Variants in CPNE2 observed in about 807,000 individuals in gnomAD.
The protein encoded by CPNE2 is copine-2.
In CPNE2, 42 loss-of-function variants were observed where a neutral mutation model predicts 69.7. The observed-to-expected ratio is 0.60, with a 90% CI of 0.47 to 0.78. The LOEUF (loss-of-function observed/expected upper bound fraction) is 0.78. Among genes scored for constraint, CPNE2 ranks in the 30% least tolerant of loss-of-function variants. CPNE2 has a pLI of 0.00. For missense variants in CPNE2, 587 were observed against 732.0 expected, an observed-to-expected ratio of 0.80 and a Z score of 2.29; for synonymous variants, 294 against 289.8, an observed-to-expected ratio of 1.01 and a Z score of -0.15.
intron 1 of CPNE2, chr16:57,093,947 C>T: frequency 2.3e-6 from 1 of 429,158 alleles, no homozygotes; most frequent in South Asian, 1.7e-5. Flanking sequence ...CTATGACCAA[C>T]AGGGAACTTG....
At chr16:57,127,997 G>T (rs1212130429) in intron 12 of CPNE2, 94 bp downstream of exon 12, 2 of 1,233,412 alleles carry the variant, frequency 1.6e-6, no homozygotes, top group Non-Finnish European at 2.4e-6. Context: ...TTGGGCTGGG[G>T]CCCTGTTGCC....
rs746510777 is a variant in CPNE2 at position 57,113,363 on chromosome 16, G to A, written c.256G>A (p.Glu86Lys). 5 of 1,614,034 alleles carry A rather than the reference G, an allele frequency of 3.1e-6. No individual in the cohort carries two copies. Among genetic ancestry groups the A allele is most frequent in the South Asian group, 1.1e-5 (1 of 91,094 alleles). Residue 86 changes from glutamate to lysine, a missense_variant, in exon 3 of 16, where the codon GAG (glutamate) becomes AAG (lysine). Coordinates refer to ENST00000290776, the MANE Select transcript of CPNE2 (RefSeq NM_152727.6). ...SKKFVLDYHF[E>K]EVQKLKFALF... ...GAAGTTCGTGCTTGACTACCACTTC[G>A]AGGAGGTACAGAAGCTCAAGTTCGC...
chr16:57,104,085 T>G (rs1016445316), intron 1 of CPNE2, among the ~76,000 whole-genome samples: 47 of 151,994 alleles, frequency 3.1e-4, no homozygotes, highest in African/African-American at 1.1e-3. Flanking sequence ...CCCAGCTAAT[T>G]TTTGTATTTT....
At chr16:57,131,644 AG>A (rs1351469362) in intron 12 of CPNE2, among the ~76,000 whole-genome samples, 1 of 152,240 alleles carries the variant, frequency 6.6e-6, no homozygotes, top group East Asian at 1.9e-4. Flanking sequence ...GGCGGTGCCA[AG>A]AAAGATGCTG....
In CPNE2 at chr16:57,120,985, G is replaced by A. The variant is rs1242849058; in HGVS notation, c.682-108G>A. ...AGGCCAGCTAGGCAGATGCTGAGGAGAGGCACTACCCAAACAGAAGACAGA... is the reference window on the plus strand; with the variant it reads ...AGGCCAGCTAGGCAGATGCTGAGGAAAGGCACTACCCAAACAGAAGACAGA... On this transcript the variant is annotated intron_variant, in intron 7 of 15. Transcript: ENST00000290776. 4 of 718,394 alleles carry A rather than the reference G, an allele frequency of 5.6e-6. No individual in the cohort carries two copies. In the African/African-American group the frequency reaches 7.1e-5, roughly 13 times the overall value. 44.5% of individuals were successfully genotyped at this position (718,394 alleles called of 1,614,324 possible). A position where few individuals can be genotyped will look rare whatever the true frequency, so the allele number is the denominator to read the frequency against.
Position 57,125,924 on chromosome 16 carries a change from A to G in CPNE2, c.992A>G (p.Asn331Ser). The change falls in exon 11 of 16, where the codon AAC (asparagine) becomes AGC (serine). Residue 331 changes from asparagine (N) to serine (S), a missense_variant. Coordinates refer to ENST00000290776, the MANE Select transcript of CPNE2 (RefSeq NM_152727.6). Reference protein sequence around the residue: ...PLDPSSLHYINPMGTNEYLSA... With the variant: ...PLDPSSLHYISPMGTNEYLSA... Reference sequence around the variant, plus strand: ...GACCCTTCCTCTTTGCACTATATCAACCCTATGGGCACCAACGAATATCTG... The same window carrying G: ...GACCCTTCCTCTTTGCACTATATCAGCCCTATGGGCACCAACGAATATCTG... The G allele has an allele frequency of 1.2e-6, 2 of 1,614,102 alleles. No homozygotes were observed. The highest frequency in any genetic ancestry group is 1.7e-6 in the Non-Finnish European group (2 of 1,180,012).
Position 57,146,428 on chromosome 16 carries a change from T to C in CPNE2, c.1539+107T>C. 2.1e-6 allele frequency: 2 copies of C among 956,550 alleles called. No homozygotes were observed. Among genetic ancestry groups the C allele is most frequent in the South Asian group, 1.7e-5 (1 of 60,420 alleles). The allele number at this position is 956,550 out of a possible 1,614,324, so 59.3% of individuals were successfully genotyped here. A position where few individuals can be genotyped will look rare whatever the true frequency, so the allele number is the denominator to read the frequency against. ...GTTGTCTGGCCCAATCCTAGACTTC[T>C]CCACTCCATTGACTATGCTCTTCTG... On this transcript the variant is annotated intron_variant, in intron 15 of 15. Transcript: ENST00000290776. The surrounding 1 kb of genome is among the most constrained non-coding windows in gnomAD (Gnocchi z 4.4).
chr16:57,125,456 T>G, intron 10 of CPNE2: 1 of 432,230 alleles, frequency 2.3e-6, no homozygotes, highest in Non-Finnish European at 4.7e-6. Flanking sequence ...AGCAGTGGCA[T>G]CTGAGTTGGG....
At chr16:57,114,937 A>AAAAC (rs2145250713) in intron 3 of CPNE2, among the ~76,000 whole-genome samples, 1 of 145,788 alleles carries the variant, frequency 6.9e-6, no homozygotes, top group South Asian at 2.3e-4. Flanking sequence ...TCTCTACCAA[A>AAAAC]AAAAAAAAAA....
Position 57,098,034 on chromosome 16 carries a change from A to G in CPNE2, c.-36+5244A>G, listed in dbSNP as rs74022135. ...CTCTCAGCCTGCTAGGTCAGCCCCT[A>G]TAAGTGACACAAACCTTCCAGTGCA... On this transcript the variant is annotated intron_variant, in intron 1 of 15. Transcript: ENST00000290776. Among the ~76,000 whole-genome samples the G allele has an allele frequency of 8.9e-3, 1,329 of 150,096 alleles. 18 individuals are homozygous for G. The highest frequency in any genetic ancestry group is 0.031 in the African/African-American group (1,274 of 41,188).
chr16:57,101,539 T>G (rs1470759279), intron 1 of CPNE2, among the ~76,000 whole-genome samples: 1 of 152,160 alleles, frequency 6.6e-6, no homozygotes, highest in African/African-American at 2.4e-5. Flanking sequence ...GGCTGGAAGC[T>G]CGGTGTGTGA....
chr16:57,126,508 G>A (rs1318831799), intron 11 of CPNE2, among the ~76,000 whole-genome samples: 2 of 151,764 alleles, frequency 1.3e-5, no homozygotes, highest in East Asian at 1.9e-4. Context: ...GGTCGGGCTG[G>A]GTACCACGGA....
chr16:57,147,524 C>T (rs1168163191), intron 15 of CPNE2, 27 bp from the exon 16 acceptor site: 6 of 1,494,638 alleles, frequency 4.0e-6, no homozygotes, highest in Middle Eastern at 3.5e-4. Flanking sequence ...CTCTCTCTTC[C>T]CCACCCCACC....
intron 15 of CPNE2, chr16:57,147,315 G>A (rs1275035315): frequency 2.1e-5 from 8 of 385,730 alleles, no homozygotes; most frequent in Non-Finnish European, 3.7e-5. Flanking sequence ...CATCTCAAGT[G>A]CTCCAGGTAA....
At position 57,121,124 on chromosome 16, in the gene CPNE2, G is replaced by A; in HGVS notation, c.713G>A (p.Gly238Asp). Residue 238 changes from glycine (G) to aspartate (D), a missense_variant, in exon 8 of 16, where the codon GGC becomes GAC. Transcript: ENST00000290776. Reference sequence around the variant, plus strand: ...TGCTACGACTATGACAATGACGGGGGCCATGACTTCATCGGCGAGTTCCAG... The same window carrying A: ...TGCTACGACTATGACAATGACGGGGACCATGACTTCATCGGCGAGTTCCAG... ...VMCYDYDNDGGHDFIGEFQTS... is the reference protein window; with the variant it reads ...VMCYDYDNDGDHDFIGEFQTS... The A allele has an allele frequency of 1.9e-6, 3 of 1,614,016 alleles. No individual in the cohort carries two copies. The highest frequency in any genetic ancestry group is 2.5e-6 in the Non-Finnish European group (3 of 1,179,964).
chr16:57,133,961 G>T (rs1311595328), intron 12 of CPNE2, among the ~76,000 whole-genome samples: 1 of 152,194 alleles, frequency 6.6e-6, no homozygotes, highest in African/African-American at 2.4e-5. Context: ...GGGAAGAAAG[G>T]AGGGACTGTC....
chr16:57,112,006 C>G (rs948837086), intron 2 of CPNE2, among the ~76,000 whole-genome samples: 2 of 152,230 alleles, frequency 1.3e-5, no homozygotes, highest in Non-Finnish European at 2.9e-5. Context: ...GGTATCCAGC[C>G]TTCCAGATGG....
rs778475444 is a variant in CPNE2, at chr16:57,121,321, A to G, written c.780+130A>G. The G allele has an allele frequency of 5.7e-5, 41 of 715,130 alleles. 1 individual carries two copies. The highest frequency in any genetic ancestry group is 8.8e-5 in the Non-Finnish European group (38 of 429,604). The allele number at this position is 715,130 out of a possible 1,614,324, so 44.3% of individuals were successfully genotyped here. On this transcript the variant is annotated intron_variant, in intron 8 of 15. Transcript: ENST00000290776. ...TGCATGACCTTGAGCAAGGCATTCA[A>G]TCTAAGACTCAGTTTCTCCATCTGT...
rs763115539 is a variant in CPNE2 at position 57,146,281 on chromosome 16, G to A, written c.1499G>A (p.Arg500His). Residue 500 changes from arginine to histidine, a missense_variant, in exon 15 of 16, where the codon CGC becomes CAC. Around this residue, in one of 5 missense-constraint regions of CPNE2, gnomAD observed 185 missense variants for 252.3 expected, o/e 0.73. Transcript: ENST00000290776. This position sits in a 1 kb window ranked among gnomAD's most constrained non-coding sequence, Gnocchi z 4.4. ...LRSHTGEEAA[R>H]DIVQFVPFRE... is the part of the protein sequence containing the mutation. ...TCCCACACGGGGGAGGAGGCAGCCC[G>A]CGATATTGTGCAGTTCGTTCCCTTT... The A allele has an allele frequency of 3.9e-6, 6 of 1,555,118 alleles. No homozygotes were observed. Among genetic ancestry groups the A allele is most frequent in the East Asian group, 2.4e-5 (1 of 41,242 alleles).
Sources: allele counts gnomAD v4.1 joint callset (sites outside exome capture counted in the v4.1 genomes callset), GRCh38; gene constraint gnomAD v4.1.1; regional missense constraint gnomAD v4.1.1; non-coding constraint Gnocchi (gnomAD v3.1); transcripts MANE v1.5; gene names NCBI Gene and HGNC (gene_info 2026-07-23, HGNC 2026-07-21).